TOR1A: variants seen among roughly 807,000 people sequenced by gnomAD.
TOR1A encodes torsin family 1 member A.
A neutral mutation model predicts 31.4 loss-of-function variants in TOR1A; 18 were observed. The ratio of observed to expected loss-of-function variants is 0.57; its 90% CI spans 0.40 to 0.85. TOR1A has a LOEUF of 0.85. Among genes scored for constraint, TOR1A ranks in the 40% least tolerant of loss-of-function variants. TOR1A has a pLI of 0.00. For missense variants in TOR1A, 375 were observed against 416.4 expected (o/e 0.90, Z 0.87); for synonymous variants, 168 against 165.9 (o/e 1.01, Z -0.10).
At chr9:129,815,139 G>C (rs865789492) in intron 4 of TOR1A, among the ~76,000 whole-genome samples, 21 of 152,186 alleles carry the variant, frequency 1.4e-4, no homozygotes, top group African/African-American at 3.9e-4. Flanking sequence ...ATTCCCTTCT[G>C]GTCTGCCATG....
intron 2 of TOR1A, among the ~76,000 whole-genome samples, chr9:129,820,718 C>A (rs2031163643): frequency 6.6e-6 from 1 of 152,136 alleles, no homozygotes; most frequent in African/African-American, 2.4e-5. Context: ...CCTCAGCCCC[C>A]TAAGTAGCTG....
intron 4 of TOR1A, among the ~76,000 whole-genome samples, chr9:129,816,852 G>C (rs958684187): frequency 2.6e-5 from 4 of 152,188 alleles, no homozygotes; most frequent in African/African-American, 9.7e-5. Flanking sequence ...TATTCCACTT[G>C]CACACACTGA....
chr9:129,813,805 G>A lies in TOR1A; in HGVS notation c.*167C>T. The A allele has an allele frequency of 4.6e-6, 5 of 1,086,016 alleles. No homozygotes were observed. Among genetic ancestry groups the A allele is most frequent in the Non-Finnish European group, 6.8e-6 (5 of 740,442 alleles). The allele number at this position is 1,086,016 out of a possible 1,614,324, so 67.3% of individuals were successfully genotyped here. A position where few individuals can be genotyped will look rare whatever the true frequency, so the allele number is the denominator to read the frequency against. On this transcript the variant is annotated 3_prime_UTR_variant, in exon 5 of 5. Transcript: ENST00000351698. ...GCCCGTGGTCCCTGGGTGGCCTGCAGGCACCAGGGGGTGGAAACAATGCCA... is the reference window on the plus strand; with the variant it reads ...GCCCGTGGTCCCTGGGTGGCCTGCAAGCACCAGGGGGTGGAAACAATGCCA...
At chr9:129,819,004 T>G in intron 2 of TOR1A, 84 bp from the exon 3 acceptor site, 2 of 1,480,350 alleles carry the variant, frequency 1.4e-6, no homozygotes, top group Non-Finnish European at 1.9e-6. Context: ...AACCGCAGCT[T>G]CACTTACAGA....
intron 1 of TOR1A, chr9:129,823,393 C>T (rs2031236870): frequency 3.7e-6 from 1 of 271,536 alleles, no homozygotes; most frequent in Non-Finnish European, 7.2e-6. Flanking sequence ...GCAGGCCGGC[C>T]GCTTGGCTTC....
intron 2 of TOR1A, among the ~76,000 whole-genome samples, chr9:129,819,349 G>A (rs1175639964): frequency 6.6e-6 from 1 of 152,214 alleles, no homozygotes; most frequent in East Asian, 1.9e-4. Context: ...GTCGGGCATG[G>A]TGGCTCACAC....
In TOR1A at chr9:129,812,959, T is replaced by C. The variant is rs2030925681; in HGVS notation, c.*1013A>G. ...CTCACCAATGGCACATGCAAAATTT[T>C]ATTGTAAAACGGTAGCCATTTGCAT... On this transcript the variant is annotated 3_prime_UTR_variant, in exon 5 of 5. Transcript: ENST00000351698. 1 of 152,240 alleles carries C rather than the reference T, an allele frequency of 6.6e-6. No homozygotes were observed. The highest frequency in any genetic ancestry group is 2.4e-5 in the African/African-American group (1 of 41,468). The allele number at this position is 152,240 out of a possible 1,614,324, so 9.4% of individuals were successfully genotyped here.
At position 129,823,974 on chromosome 9, in the gene TOR1A, T is replaced by C; in HGVS notation, c.112A>G (p.Ile38Val). The C allele has an allele frequency of 6.2e-7, 1 of 1,611,136 alleles. No individual in the cohort carries two copies. Among genetic ancestry groups the C allele is most frequent in the Non-Finnish European group, 8.5e-7 (1 of 1,179,502 alleles). ...AAGAGGCAGTAGAGACGCGGGTAGA[T>C]GTAGCCGGTGAGGACGCCGGCCAGG... ...LALAGVLTGY[I>V]YPRLYCLFAE... The change falls in exon 1 of 5, where the codon ATC (isoleucine) becomes GTC (valine). Residue 38 changes from isoleucine to valine, a missense_variant. Physicochemically the swap from Ile to Val is conservative, Grantham distance 29 (BLOSUM62 3). Transcript: ENST00000351698.
At chr9:129,821,724 T>C (rs1303091719) in intron 2 of TOR1A, 1 of 151,608 alleles carries the variant, frequency 6.6e-6, no homozygotes, top group Non-Finnish European at 1.5e-5. Flanking sequence ...GGAAACCCCA[T>C]CTCTACTAGA....
chr9:129,822,484 C>T (rs978090391), intron 2 of TOR1A, 97 bp downstream of exon 2: 7 of 1,525,374 alleles, frequency 4.6e-6, no homozygotes, highest in African/African-American at 1.4e-5. Flanking sequence ...TTTCCGGGCT[C>T]ACTCATTTCA....
chr9:129,823,266 A>G (rs1726263531), intron 1 of TOR1A: 1 of 330,142 alleles, frequency 3.0e-6, no homozygotes, highest in Non-Finnish European at 5.9e-6. Context: ...GAGGGAGGTT[A>G]CCACTGGTCC....
At chr9:129,815,399 G>A (rs773252642) in intron 4 of TOR1A, among the ~76,000 whole-genome samples, 3 of 152,256 alleles carry the variant, frequency 2.0e-5, no homozygotes, top group Non-Finnish European at 4.4e-5. Flanking sequence ...CCCTGGGCCT[G>A]GGGACACAGC....
At position 129,822,863 on chromosome 9, in the gene TOR1A, C is replaced by A; in HGVS notation, c.179-17G>T. The A allele has an allele frequency of 6.2e-7, 1 of 1,614,120 alleles. No homozygotes were observed. The highest frequency in any genetic ancestry group is 8.5e-7 in the Non-Finnish European group (1 of 1,180,012). ...TCTGCAGTGCTGGGAAAGACAAAGC[C>A]AATCAGGAGTGGGGAAGAAACAGCG... On this transcript the variant is annotated splice_polypyrimidine_tract_variant and intron_variant, in intron 1 of 4. Coordinates refer to ENST00000351698, the MANE Select transcript of TOR1A (RefSeq NM_000113.3).
chr9:129,815,681 T>C (rs2031018147), intron 4 of TOR1A, among the ~76,000 whole-genome samples: 1 of 152,232 alleles, frequency 6.6e-6, no homozygotes. Context: ...ATGGCCTCCC[T>C]GGAGCTTCGT....
rs886063524 is a variant in TOR1A at position 129,813,823 on chromosome 9, C to T, written c.*149G>A. ...GCCTGCAGGCACCAGGGGGTGGAAA[C>T]AATGCCAGGGAGAATTCCTGTCACA... On this transcript the variant is annotated 3_prime_UTR_variant, in exon 5 of 5. Coordinates refer to ENST00000351698, the MANE Select transcript of TOR1A (RefSeq NM_000113.3). 3.9e-5 allele frequency: 50 copies of T among 1,279,750 alleles called. No individual in the cohort carries two copies. The highest frequency in any genetic ancestry group is 5.3e-5 in the Non-Finnish European group (48 of 909,150). The allele number at this position is 1,279,750 out of a possible 1,614,324, so 79.3% of individuals were successfully genotyped here. A position where few individuals can be genotyped will look rare whatever the true frequency, so the allele number is the denominator to read the frequency against.
At chr9:129,823,780 C>G in intron 1 of TOR1A, 128 bp downstream of exon 1, 1 of 1,273,088 alleles carries the variant, frequency 7.9e-7, no homozygotes, top group Non-Finnish European at 1.1e-6. Flanking sequence ...AGCCCTAGTC[C>G]TAGCCCGGCC....
chr9:129,813,749 T>C lies in TOR1A; in HGVS notation c.*223A>G. On this transcript the variant is annotated 3_prime_UTR_variant, in exon 5 of 5. Coordinates refer to ENST00000351698, the MANE Select transcript of TOR1A (RefSeq NM_000113.3). ...GTGGGCTGGGAGCTGGCTCCTTCCT[T>C]CTGTGCGTGTTCGGGAGGCTTCACG... The C allele has an allele frequency of 1.6e-6, 1 of 627,418 alleles. No individual in the cohort carries two copies. The highest frequency in any genetic ancestry group is 2.8e-6 in the Non-Finnish European group (1 of 356,716). 38.9% of individuals were successfully genotyped at this position (627,418 alleles called of 1,614,324 possible).
intron 2 of TOR1A, among the ~76,000 whole-genome samples, chr9:129,819,942 A>T (rs2031141001): frequency 6.9e-6 from 1 of 145,830 alleles, no homozygotes; most frequent in South Asian, 2.2e-4. Flanking sequence ...AAAAAAAAAA[A>T]TAATAATAAT....
At chr9:129,820,413 C>G (rs1333456500) in intron 2 of TOR1A, among the ~76,000 whole-genome samples, 1 of 152,186 alleles carries the variant, frequency 6.6e-6, no homozygotes, top group Non-Finnish European at 1.5e-5. Flanking sequence ...AGCCACCACA[C>G]CTGGTCTGTT....
Sources: gnomAD v4.1 joint callset for allele counts (sites outside exome capture counted in the v4.1 genomes callset) on GRCh38, gnomAD v4.1.1 for gene constraint, MANE v1.5 for transcripts, NCBI Gene and HGNC (gene_info 2026-07-23, HGNC 2026-07-21) for gene names.